The following BTBD9 variants were observed in gnomAD, a reference collection of about 807,000 sequenced individuals.
BTBD9 encodes BTB/POZ domain-containing protein 9.
Under a neutral mutation model 64.3 loss-of-function variants are expected in BTBD9, and 49 were observed. The ratio of observed to expected loss-of-function variants is 0.76; its 90% CI spans 0.61 to 0.97. The LOEUF is 0.97. Ranked by LOEUF, BTBD9 falls within the 50% of genes least tolerant of loss-of-function variation. The pLI, the probability that BTBD9 is intolerant of heterozygous loss-of-function variation, is 0.00. For missense variants in BTBD9, 598 were observed against 762.1 expected, an observed-to-expected ratio of 0.78 and a Z score of 2.53; for synonymous variants, 260 against 274.7, an observed-to-expected ratio of 0.95 and a Z score of 0.53.
At chr6:38,464,826 C>T (rs1770271428) in intron 6 of BTBD9, among the ~76,000 whole-genome samples, 1 of 152,106 alleles carries the variant, frequency 6.6e-6, no homozygotes, top group Admixed American at 6.6e-5. Context: ...ATATCTTTGT[C>T]TGGTTTTGGA....
intron 6 of BTBD9, among the ~76,000 whole-genome samples, chr6:38,559,535 T>C (rs35916993): frequency 0.17 from 25,515 of 152,112 alleles, 2,182 homozygotes; most frequent in East Asian, 0.23. Flanking sequence ...GCTATTCCTA[T>C]CAAAGTATCA....
intron 9 of BTBD9, among the ~76,000 whole-genome samples, chr6:38,239,459 A>AAAAT (rs1554131097): frequency 6.7e-5 from 10 of 148,852 alleles, no homozygotes; most frequent in Non-Finnish European, 1.0e-4. Context: ...AAAAAAAAAA[A>AAAAT]AGATATAATC....
At chr6:38,328,383 G>A (rs1763521805) in intron 7 of BTBD9, among the ~76,000 whole-genome samples, 1 of 152,092 alleles carries the variant, frequency 6.6e-6, no homozygotes, top group South Asian at 2.1e-4. Flanking sequence ...AGAAGAGGAA[G>A]AAACACCACA....
At chr6:38,206,979 C>A (rs1762677381) in intron 9 of BTBD9, among the ~76,000 whole-genome samples, 1 of 152,148 alleles carries the variant, frequency 6.6e-6, no homozygotes, top group African/African-American at 2.4e-5. Flanking sequence ...AGTTGACATA[C>A]CCTCAACTAG....
intron 1 of BTBD9, among the ~76,000 whole-genome samples, chr6:38,637,339 T>G (rs1778560874): frequency 6.6e-6 from 1 of 152,232 alleles, no homozygotes; most frequent in South Asian, 2.1e-4. Context: ...TAATGCAACA[T>G]TTGCAGTTGT....
chr6:38,514,562 A>T (rs867369296), intron 6 of BTBD9, among the ~76,000 whole-genome samples: 2 of 152,178 alleles, frequency 1.3e-5, no homozygotes, highest in Admixed American at 6.5e-5. Flanking sequence ...ACATGTCCAT[A>T]AAATGTCACT....
At chr6:38,183,287 T>C (rs1279334799) in intron 10 of BTBD9, among the ~76,000 whole-genome samples, 1 of 152,222 alleles carries the variant, frequency 6.6e-6, no homozygotes, top group African/African-American at 2.4e-5. Flanking sequence ...TAAAAGGTCT[T>C]CTTTTATAAT....
intron 6 of BTBD9, 34 bp from the exon 7 acceptor site, chr6:38,345,127 A>G (rs1412955977): frequency 7.1e-7 from 1 of 1,408,286 alleles, no homozygotes; most frequent in South Asian, 1.2e-5. Flanking sequence ...TGTGTTGAAA[A>G]TGAGCTCCCA....
chr6:38,397,457 G>T (rs906020900), intron 6 of BTBD9, among the ~76,000 whole-genome samples: 2 of 152,176 alleles, frequency 1.3e-5, no homozygotes, highest in Non-Finnish European at 2.9e-5. Context: ...CTTTGTGGAT[G>T]GGGCAACTCA....
At chr6:38,564,550 T>C (rs538678197) in intron 6 of BTBD9, among the ~76,000 whole-genome samples, 1 of 152,146 alleles carries the variant, frequency 6.6e-6, no homozygotes, top group African/African-American at 2.4e-5. Flanking sequence ...AGAGATTTTT[T>C]AATCTAAAAT....
At chr6:38,261,041 G>A (rs967575199) in intron 8 of BTBD9, among the ~76,000 whole-genome samples, 4 of 152,036 alleles carry the variant, frequency 2.6e-5, no homozygotes, top group Admixed American at 2.0e-4. Context: ...CTGGACTCAA[G>A]TGATCCTCCT....
At chr6:38,202,681 T>A (rs1762507862) in intron 9 of BTBD9, among the ~76,000 whole-genome samples, 1 of 152,130 alleles carries the variant, frequency 6.6e-6, no homozygotes, top group South Asian at 2.1e-4. Context: ...CCCTCTTCAA[T>A]AAATGGTGCT....
rs116472527 is a variant in BTBD9 at position 38,422,998 on chromosome 6, C to T, written c.1155-77905G>A. Among the ~76,000 whole-genome samples, 1,092 of 152,164 alleles carry T rather than the reference C, an allele frequency of 7.2e-3. 15 individuals are homozygous for T. Among genetic ancestry groups the T allele is most frequent in the African/African-American group, 0.025 (1,046 of 41,498 alleles). On this transcript the variant is annotated intron_variant, in intron 6 of 10. Transcript: ENST00000481247. ...TTTTTAAATAGATTAGATGTGATGG[C>T]TGAGGCCTATAATCCCAGCACTTTG...
Position 38,383,759 on chromosome 6 carries a change from G to C in BTBD9, c.1155-38666C>G, listed in dbSNP as rs532601981. ...TAACGTTCCATCTGTTACACTAAAC[G>C]GTGAGTAATGGGTCTTCATTTTATT... is the stretch of plus-strand genomic sequence containing the variant. On this transcript the variant is annotated intron_variant, in intron 6 of 10. Coordinates refer to ENST00000481247, the MANE Select transcript of BTBD9 (RefSeq NM_001099272.2). Among the ~76,000 whole-genome samples, 5 of 152,290 alleles carry C rather than the reference G, an allele frequency of 3.3e-5. 1 individual carries two copies.
intron 1 of BTBD9, among the ~76,000 whole-genome samples, chr6:38,609,404 C>G (rs1398623025): frequency 6.6e-6 from 1 of 152,104 alleles, no homozygotes; most frequent in African/African-American, 2.4e-5. Context: ...AAGTCCATGT[C>G]TCTAGACTTT....
At chr6:38,290,497 G>T (rs924326979) in intron 7 of BTBD9, among the ~76,000 whole-genome samples, 15 of 151,980 alleles carry the variant, frequency 9.9e-5, no homozygotes, top group African/African-American at 3.6e-4. Context: ...GCAACTGACA[G>T]GCCCCTACTC....
intron 6 of BTBD9, among the ~76,000 whole-genome samples, chr6:38,573,554 C>T (rs1056290486): frequency 1.1e-4 from 17 of 152,116 alleles, no homozygotes; most frequent in Non-Finnish European, 1.6e-4. Flanking sequence ...CTCCCACCTA[C>T]GCTCTTGTTC....
intron 1 of BTBD9, among the ~76,000 whole-genome samples, chr6:38,601,801 G>C (rs941325757): frequency 1.3e-5 from 2 of 151,886 alleles, no homozygotes; most frequent in African/African-American, 4.8e-5. Flanking sequence ...AAATCCATGA[G>C]AATCAACTGA....
chr6:38,550,543 C>G (rs977474339), intron 6 of BTBD9, among the ~76,000 whole-genome samples: 2 of 152,092 alleles, frequency 1.3e-5, no homozygotes, highest in African/African-American at 4.8e-5. Context: ...GTCTCAATCT[C>G]CTGACCTCAT....
Sources: gnomAD v4.1 joint callset for allele counts (sites outside exome capture counted in the v4.1 genomes callset) on GRCh38, gnomAD v4.1.1 for gene constraint, MANE v1.5 for transcripts, NCBI Gene and HGNC (gene_info 2026-07-23, HGNC 2026-07-21) for gene names.